Variants in SLIT3 observed in about 807,000 individuals in gnomAD.
SLIT3 encodes the protein slit guidance ligand 3, also known as slit homolog 3 protein.
A neutral mutation model predicts 184.0 loss-of-function variants in SLIT3; 68 were observed. The observed-to-expected ratio is 0.37, with a 90% CI of 0.30 to 0.45. SLIT3 has a LOEUF of 0.45. Among genes scored for constraint, SLIT3 ranks in the 20% least tolerant of loss-of-function variants. SLIT3 has a pLI of 1.00. For synonymous variants in SLIT3, 831 were observed against 828.6 expected (o/e 1.00, Z -0.05); for missense variants, 1,707 against 2,026.0 (o/e 0.84, Z 3.02).
At chr5:168,907,944 G>GTATATATATATATA (rs1224392381) in intron 4 of SLIT3, among the ~76,000 whole-genome samples, 1 of 53,112 alleles carries the variant, frequency 1.9e-5, no homozygotes, top group African/African-American at 7.3e-5. Context: ...TATTATACGT[G>GTATATATATATATA]TATATATATA....
intron 4 of SLIT3, among the ~76,000 whole-genome samples, chr5:168,994,748 T>A (rs2113399248): frequency 6.8e-6 from 1 of 146,980 alleles, no homozygotes; most frequent in South Asian, 2.2e-4. Flanking sequence ...CAGGTTCAAG[T>A]GATTCTCCCG....
At chr5:169,169,212 A>G (rs79872845) in intron 4 of SLIT3, among the ~76,000 whole-genome samples, 9 of 152,292 alleles carry the variant, frequency 5.9e-5, no homozygotes, top group Non-Finnish European at 1.0e-4. Flanking sequence ...GGTCCACGGC[A>G]TCCAGGCCTA....
intron 5 of SLIT3, among the ~76,000 whole-genome samples, chr5:168,857,090 G>A (rs1394619): frequency 0.1 from 15,511 of 151,990 alleles, 2,285 homozygotes; most frequent in African/African-American, 0.32. Context: ...AAGTAAATCC[G>A]AAAACATCTG....
intron 4 of SLIT3, among the ~76,000 whole-genome samples, chr5:168,956,321 A>G (rs935327435): frequency 4.6e-5 from 7 of 152,222 alleles, no homozygotes; most frequent in Non-Finnish European, 1.5e-5. Context: ...CTAGAAAGTT[A>G]AGGTAAAGAT....
rs1581410331 is a variant in SLIT3, at chr5:169,100,973, G to A, written c.413+92506C>T. Among the ~76,000 whole-genome samples, 7 of 152,314 alleles carry A rather than the reference G, an allele frequency of 4.6e-5. No homozygotes were observed. In the South Asian group the frequency reaches 1.5e-3, roughly 32 times the overall value. ...AATAAGTAGCCCAGCATGGGAGTCA[G>A]CGTGAAAGTTGACCATTGGAGTCCT... On this transcript the variant is annotated intron_variant, in intron 4 of 35. Transcript: ENST00000519560.
intron 5 of SLIT3, among the ~76,000 whole-genome samples, chr5:168,857,373 T>TTTTCGTTTTGTTTTG (rs143735267): frequency 6.6e-6 from 1 of 150,818 alleles, no homozygotes; most frequent in African/African-American, 2.4e-5. Context: ...AGAGTTTTTG[T>TTTTCGTTTTGTTTTG]TTTTGTTTTG....
intron 5 of SLIT3, among the ~76,000 whole-genome samples, chr5:168,859,236 C>T (rs536988819): frequency 3.9e-5 from 6 of 152,026 alleles, no homozygotes; most frequent in Admixed American, 1.3e-4. Context: ...AGAGAGAGGC[C>T]CCAGAATTGT....
intron 32 of SLIT3, among the ~76,000 whole-genome samples, 200 bp from the exon 33 acceptor site, chr5:168,673,531 T>A (rs1415649799): frequency 1.3e-5 from 2 of 152,252 alleles, no homozygotes; most frequent in African/African-American, 4.8e-5. Context: ...TACTCCAATG[T>A]GCTTATGGTT....
At chr5:169,244,176 G>C (rs939160319) in intron 3 of SLIT3, among the ~76,000 whole-genome samples, 2 of 152,352 alleles carry the variant, frequency 1.3e-5, no homozygotes, top group Non-Finnish European at 2.9e-5. Flanking sequence ...AAACGTGGGG[G>C]CTTCTTGACA....
intron 1 of SLIT3, among the ~76,000 whole-genome samples, chr5:169,298,538 C>A (rs572417228): frequency 6.6e-6 from 1 of 152,290 alleles, no homozygotes; most frequent in South Asian, 2.1e-4. Flanking sequence ...AGACCCCAAG[C>A]AGCAGACCTA....
chr5:168,694,051 G>A (rs1320400059), intron 28 of SLIT3, among the ~76,000 whole-genome samples: 1 of 152,120 alleles, frequency 6.6e-6, no homozygotes, highest in Non-Finnish European at 1.5e-5. Flanking sequence ...GCTTGACCTT[G>A]ACTTTGGCAG....
intron 4 of SLIT3, among the ~76,000 whole-genome samples, chr5:169,147,415 C>T (rs921489461): frequency 6.6e-6 from 1 of 152,158 alleles, no homozygotes; most frequent in Non-Finnish European, 1.5e-5. Context: ...ACTATGGGCA[C>T]GTGCCACCAT....
rs531865949 is a variant in SLIT3, at chr5:168,905,752, C to T, written c.414-22416G>A. Among the ~76,000 whole-genome samples, 6 of 152,316 alleles carry T rather than the reference C, an allele frequency of 3.9e-5. No individual in the cohort carries two copies. The East Asian group carries it at 7.7e-4, about 20-fold the overall frequency. On this transcript the variant is annotated intron_variant, in intron 4 of 35. Coordinates refer to ENST00000519560, the MANE Select transcript of SLIT3 (RefSeq NM_003062.4). ...TCGTATACCCCTTGCTGAACCACAG[C>T]GTTTCCTTGGAGGAGCCTGGGTTAG...
intron 9 of SLIT3, among the ~76,000 whole-genome samples, chr5:168,796,526 C>T (rs1581092061): frequency 6.6e-6 from 1 of 152,152 alleles, no homozygotes; most frequent in African/African-American, 2.4e-5. Flanking sequence ...CTTTTCATCA[C>T]CCCTCATTTG....
chr5:169,145,909 G>A (rs1001609368), intron 4 of SLIT3, among the ~76,000 whole-genome samples: 1 of 152,160 alleles, frequency 6.6e-6, no homozygotes, highest in African/African-American at 2.4e-5. Context: ...TTAGCCAGGT[G>A]TGGTGGCACA....
At chr5:168,669,530 TA>T (rs1016051644) in intron 35 of SLIT3, among the ~76,000 whole-genome samples, 2 of 152,206 alleles carry the variant, frequency 1.3e-5, no homozygotes, top group Non-Finnish European at 2.9e-5. Flanking sequence ...CAATGTAGGC[TA>T]AAAAAAATGT....
intron 4 of SLIT3, among the ~76,000 whole-genome samples, chr5:168,923,107 C>T (rs1339004168): frequency 2.0e-5 from 3 of 152,104 alleles, no homozygotes; most frequent in Admixed American, 6.5e-5. Context: ...CATTCCAGCT[C>T]GGAACCTTTA....
At chr5:168,777,272 G>C (rs1755794636) in intron 12 of SLIT3, among the ~76,000 whole-genome samples, 2 of 152,102 alleles carry the variant, frequency 1.3e-5, no homozygotes, top group African/African-American at 4.8e-5. Context: ...TCCCTATTGT[G>C]TCCCCTTCAC....
At position 168,760,922 on chromosome 5, in the gene SLIT3, T is replaced by C; in HGVS notation, c.1625A>G (p.Asn542Ser). 1.2e-6 allele frequency: 2 copies of C among 1,613,844 alleles called. No homozygotes were observed. Among genetic ancestry groups the C allele is most frequent in the Non-Finnish European group, 8.5e-7 (1 of 1,179,764 alleles). ...AGTGGCCTCCAGAACAGATACCTCA[T>C]TGTCATTCAGTCGCCTGTGTAGGAA... is the stretch of plus-strand genomic sequence containing the variant. ...EYVTDLRLND[N>S]EVSVLEATGI... The change falls in exon 16 of 36, where the codon AAT (asparagine) becomes AGT (serine). Residue 542 changes from asparagine to serine, a missense_variant. By Grantham distance (46) the Asn-to-Ser change is conservative. Transcript: ENST00000519560.
Sources: allele counts gnomAD v4.1 joint callset (sites outside exome capture counted in the v4.1 genomes callset), GRCh38; gene constraint gnomAD v4.1.1; transcripts MANE v1.5; gene names NCBI Gene and HGNC (gene_info 2026-07-23, HGNC 2026-07-21).